The following PPP1R9A variants were observed in gnomAD, a reference collection of about 807,000 sequenced individuals.
The protein encoded by PPP1R9A is neurabin-1.
A neutral mutation model predicts 141.9 loss-of-function variants in PPP1R9A; 59 were observed. The ratio of observed to expected loss-of-function variants is 0.42; its 90% CI spans 0.34 to 0.52. The LOEUF (loss-of-function observed/expected upper bound fraction) is 0.52, where lower values mean the gene tolerates loss of function less well. Among genes scored for constraint, PPP1R9A ranks in the 20% least tolerant of loss-of-function variants. The pLI, the probability that PPP1R9A is intolerant of heterozygous loss-of-function variation, is 0.10. For synonymous variants in PPP1R9A, 500 were observed against 569.7 expected, an observed-to-expected ratio of 0.88 and a Z score of 1.74; for missense variants, 1,444 against 1,611.9, an observed-to-expected ratio of 0.90 and a Z score of 1.78.
chr7:95,039,864 A>G (rs181588855), intron 2 of PPP1R9A, among the ~76,000 whole-genome samples: 38 of 152,292 alleles, frequency 2.5e-4, no homozygotes, highest in African/African-American at 8.4e-4. Context: ...ATGGCTAACA[A>G]CTTTCTAAAA....
At chr7:95,289,392 A>G (rs1268080239) in intron 19 of PPP1R9A, among the ~76,000 whole-genome samples, 4 of 152,232 alleles carry the variant, frequency 2.6e-5, no homozygotes, top group Non-Finnish European at 5.9e-5. Context: ...TTAGAGATCA[A>G]TCAATAGCTT....
At chr7:95,274,206 C>A in intron 16 of PPP1R9A, 38 bp downstream of exon 16, 1 of 1,462,732 alleles carries the variant, frequency 6.8e-7, no homozygotes, top group South Asian at 1.3e-5. Flanking sequence ...TATTTCTATA[C>A]CTAAACTTTC....
intron 7 of PPP1R9A, among the ~76,000 whole-genome samples, chr7:95,219,175 ATC>A (rs936699198): frequency 1.3e-4 from 20 of 152,214 alleles, no homozygotes; most frequent in Non-Finnish European, 2.2e-4. Context: ...TGGTGACAGA[ATC>A]TCTCAGCATT....
At chr7:94,960,639 A>T (rs913844057) in intron 2 of PPP1R9A, among the ~76,000 whole-genome samples, 1 of 151,756 alleles carries the variant, frequency 6.6e-6, no homozygotes, top group African/African-American at 2.4e-5. Flanking sequence ...GGTAAGTAAT[A>T]TTAATCCCTC....
chr7:95,095,452 A>G (rs796223688), intron 2 of PPP1R9A, among the ~76,000 whole-genome samples: 22 of 152,334 alleles, frequency 1.4e-4, no homozygotes, highest in African/African-American at 5.0e-4. Flanking sequence ...GAATAATGAG[A>G]TAACACTGTC....
At position 94,923,151 on chromosome 7, in the gene PPP1R9A, A is replaced by G. The variant is rs181162841; in HGVS notation, c.1395+11643A>G. ...GCTAACCTTGTAAGTATTATGGGGA[A>G]GGAGACCCTCCAATTCATTTTAAAT... On this transcript the variant is annotated intron_variant, in intron 2 of 19. Coordinates refer to ENST00000433360, the MANE Select transcript of PPP1R9A (RefSeq NM_001166160.2). Among the ~76,000 whole-genome samples the G allele has an allele frequency of 3.4e-3, 516 of 152,300 alleles. 2 individuals are homozygous for G. Among genetic ancestry groups the G allele is most frequent in the South Asian group, 0.018 (86 of 4,828 alleles).
At chr7:95,267,630 C>T (rs1801504803) in intron 12 of PPP1R9A, among the ~76,000 whole-genome samples, 1 of 152,112 alleles carries the variant, frequency 6.6e-6, no homozygotes, top group Admixed American at 6.6e-5. Context: ...ATTGAATTCT[C>T]TCTGTGGCCT....
intron 2 of PPP1R9A, among the ~76,000 whole-genome samples, chr7:94,955,181 A>G (rs1404675850): frequency 6.6e-6 from 1 of 152,020 alleles, no homozygotes; most frequent in Non-Finnish European, 1.5e-5. Flanking sequence ...ATAAAGGATT[A>G]TTAAGCCCTC....
chr7:95,056,293 TTG>T (rs1191967481), intron 2 of PPP1R9A, among the ~76,000 whole-genome samples: 1 of 152,172 alleles, frequency 6.6e-6, no homozygotes, highest in African/African-American at 2.4e-5. Context: ...GGTATTTTTC[TTG>T]TAATCTTTCA....
At chr7:95,042,530 A>G (rs1015194274) in intron 2 of PPP1R9A, among the ~76,000 whole-genome samples, 1 of 152,184 alleles carries the variant, frequency 6.6e-6, no homozygotes, top group Non-Finnish European at 1.5e-5. Flanking sequence ...TACTTCATTT[A>G]TGATGCCTTG....
In PPP1R9A at chr7:95,269,323, C is replaced by T; in HGVS notation, c.2940C>T (p.Ser980=). The stretch of plus-strand genomic sequence containing the variant: ...TTCCACCCCTCACCCCGGTGGATAG[C>T]AATGTGCCCTTCTCGTCTGACCACA... The part of the protein sequence containing the change: ...SGVPPLTPVD[S]NVPFSSDHIA... The change falls in exon 14 of 20, where the codon AGC becomes AGT. Residue 980 remains serine (S), a synonymous_variant. Transcript: ENST00000433360. The T allele has an allele frequency of 1.3e-6, 2 of 1,598,486 alleles. No individual in the cohort carries two copies. The highest frequency in any genetic ancestry group is 1.1e-5 in the South Asian group (1 of 90,904).
intron 7 of PPP1R9A, among the ~76,000 whole-genome samples, chr7:95,211,857 C>T (rs1792209776): frequency 6.6e-6 from 1 of 152,072 alleles, no homozygotes; most frequent in Non-Finnish European, 1.5e-5. Flanking sequence ...CATGGCATTG[C>T]TGCATGCCTA....
At chr7:94,927,675 A>C (rs1277085444) in intron 2 of PPP1R9A, among the ~76,000 whole-genome samples, 2 of 151,596 alleles carry the variant, frequency 1.3e-5, no homozygotes, top group African/African-American at 4.9e-5. Flanking sequence ...AATAAGACAA[A>C]CCTTTTCTCC....
chr7:95,196,530 A>G (rs541715523), intron 5 of PPP1R9A, among the ~76,000 whole-genome samples: 6 of 152,192 alleles, frequency 3.9e-5, no homozygotes, highest in Non-Finnish European at 8.8e-5. Context: ...GTTTATAGTA[A>G]CTTTCTTTAT....
chr7:94,967,301 A>G (rs1294935472), intron 2 of PPP1R9A, among the ~76,000 whole-genome samples: 21 of 151,346 alleles, frequency 1.4e-4, no homozygotes, highest in Admixed American at 6.6e-5. Context: ...AGGGTTTTTC[A>G]TGTCTCTGTC....
chr7:95,050,396 A>C (rs541778496), intron 2 of PPP1R9A, among the ~76,000 whole-genome samples: 23 of 152,310 alleles, frequency 1.5e-4, no homozygotes, highest in African/African-American at 5.1e-4. Context: ...TGTGATAGGC[A>C]TATCTGAAGG....
intron 2 of PPP1R9A, among the ~76,000 whole-genome samples, chr7:95,092,715 GA>G (rs1817523527): frequency 1.3e-5 from 2 of 152,172 alleles, no homozygotes; most frequent in Non-Finnish European, 1.5e-5. Flanking sequence ...ATTTAAACAA[GA>G]AAATAGCATT....
intron 2 of PPP1R9A, among the ~76,000 whole-genome samples, chr7:94,981,918 G>T (rs190223425): frequency 6.6e-6 from 1 of 151,768 alleles, no homozygotes; most frequent in Non-Finnish European, 1.5e-5. Flanking sequence ...TTGGTTTGCC[G>T]CACCCATTAA....
chr7:95,146,126 A>C (rs1285800303), intron 4 of PPP1R9A, among the ~76,000 whole-genome samples: 1 of 152,202 alleles, frequency 6.6e-6, no homozygotes, highest in Non-Finnish European at 1.5e-5. Context: ...GCAGTGTAAA[A>C]GCATTCCTAT....
Sources: allele counts gnomAD v4.1 joint callset (sites outside exome capture counted in the v4.1 genomes callset), GRCh38; gene constraint gnomAD v4.1.1; transcripts MANE v1.5; gene names NCBI Gene and HGNC (gene_info 2026-07-23, HGNC 2026-07-21).